RRP12: variants seen among roughly 807,000 people sequenced by gnomAD.
RRP12 encodes RRP12-like protein.
A neutral mutation model predicts 157.3 loss-of-function variants in RRP12; 78 were observed. That is an observed-to-expected ratio of 0.50 (90% CI 0.41 to 0.60). The LOEUF is 0.60. Ranked by LOEUF, RRP12 falls within the 20% of genes least tolerant of loss-of-function variation. The pLI, the probability that RRP12 is intolerant of heterozygous loss-of-function variation, is 0.00. For missense variants in RRP12, 1,521 were observed against 1,679.9 expected (o/e 0.91, Z 1.65); for synonymous variants, 726 against 670.9 (o/e 1.08, Z -1.27).
In RRP12 at chr10:97,366,232, G is replaced by T; in HGVS notation, c.3393C>A (p.Ala1131=). 6.2e-7 allele frequency: 1 copy of T among 1,611,578 alleles called. No individual in the cohort carries two copies. Residue 1131 remains alanine, a splice_region_variant and synonymous_variant, in exon 29 of 34, where the codon GCC becomes GCA. Transcript: ENST00000370992. ...TGCCCCGGCCTGGCCCTGGCTGCGT[G>T]GCTGGGGTGTAGAGTTTGGCATGAG... ...LDPKVAQRVL[A]TQPGPGRGRK... is the part of the protein sequence containing the mutation.
At chr10:97,371,842 G>A in intron 20 of RRP12, 4 of 458,596 alleles carry the variant, frequency 8.7e-6, no homozygotes, top group Non-Finnish European at 1.6e-5. Context: ...GGTTCTACAA[G>A]AGTCACTCAG....
Position 97,390,528 on chromosome 10 carries a change from G to C in RRP12, c.648C>G (p.Cys216Trp). ...CTTGCTTCCGCAGAAGGGTGGCCAG[G>C]CAGGAAAGGACCTGGAAGAAAGTCA... is the stretch of plus-strand genomic sequence containing the variant. ...STSVLRWVLS[C>W]LATLLRKQDL... The change falls in exon 6 of 34, where the codon TGC becomes TGG. Residue 216 changes from cysteine to tryptophan, a missense_variant. Coordinates refer to ENST00000370992, the MANE Select transcript of RRP12 (RefSeq NM_015179.4). 2 of 1,613,360 alleles carry C rather than the reference G, an allele frequency of 1.2e-6. No individual in the cohort carries two copies. Among genetic ancestry groups the C allele is most frequent in the Non-Finnish European group, 8.5e-7 (1 of 1,179,448 alleles).
At position 97,369,584 on chromosome 10, in the gene RRP12, T is replaced by G; in HGVS notation, c.2798-2A>C. On this transcript the variant is annotated splice_acceptor_variant, in intron 24 of 33. Coordinates refer to ENST00000370992, the MANE Select transcript of RRP12 (RefSeq NM_015179.4). LOFTEE classifies it high-confidence loss of function. ...CCACTGTACTGGTCCCCATCAGACC[T>G]GTGGCAGTGAGGGGGTCACTGTCTA... The G allele has an allele frequency of 6.4e-7, 1 of 1,556,650 alleles. No individual in the cohort carries two copies. Among genetic ancestry groups the G allele is most frequent in the Non-Finnish European group, 8.7e-7 (1 of 1,149,810 alleles).
At chr10:97,397,317 C>T (rs767484754) in intron 2 of RRP12, among the ~76,000 whole-genome samples, 1 of 151,896 alleles carries the variant, frequency 6.6e-6, no homozygotes, top group South Asian at 2.1e-4. Context: ...TGTGCCACTA[C>T]GCTAGGCTAA....
Position 97,381,838 on chromosome 10 carries a change from A to C in RRP12, c.1209-12T>G. On this transcript the variant is annotated splice_polypyrimidine_tract_variant and intron_variant, in intron 10 of 33. Coordinates refer to ENST00000370992, the MANE Select transcript of RRP12 (RefSeq NM_015179.4). ...GGTCCCACTGCAACCTGTCAAGACA[A>C]AAGGTTTCTGTGGGGCCTGGCCTGA... 2 of 1,608,786 alleles carry C rather than the reference A, an allele frequency of 1.2e-6. No homozygotes were observed. Among genetic ancestry groups the C allele is most frequent in the Non-Finnish European group, 8.5e-7 (1 of 1,175,474 alleles).
rs1844179256 is a variant in RRP12, at chr10:97,372,284, G to C, written c.2250-118C>G. On this transcript the variant is annotated intron_variant, in intron 19 of 33. Coordinates refer to ENST00000370992, the MANE Select transcript of RRP12 (RefSeq NM_015179.4). ...GGAGAAGTCAGGGTGAGGACAAGGG[G>C]CTTGAAGGAGCTCATGAACAATAAT... 7.8e-6 allele frequency: 5 copies of C among 637,228 alleles called. No homozygotes were observed. The East Asian group carries it at 1.3e-4, about 17-fold the overall frequency. The allele number at this position is 637,228 out of a possible 1,614,324, so 39.5% of individuals were successfully genotyped here.
At chr10:97,360,987 T>C (rs1009283627) in intron 30 of RRP12, among the ~76,000 whole-genome samples, 10 of 152,206 alleles carry the variant, frequency 6.6e-5, no homozygotes, top group African/African-American at 2.4e-4. Flanking sequence ...TCAGAGAGAA[T>C]AGCTTTACCA....
intron 29 of RRP12, 113 bp downstream of exon 29, chr10:97,365,995 A>C: frequency 7.1e-7 from 1 of 1,403,258 alleles, no homozygotes; most frequent in Non-Finnish European, 9.8e-7. Flanking sequence ...AGTTTGAGGA[A>C]GCTGCCGAGA....
At chr10:97,400,255 G>GA in intron 2 of RRP12, 50 bp downstream of exon 2, 1 of 1,369,044 alleles carries the variant, frequency 7.3e-7, no homozygotes, top group South Asian at 1.2e-5. Context: ...GAAAAGGCAT[G>GA]AGTTGGCCTC....
rs1254850580 is a variant in RRP12 at position 97,357,190 on chromosome 10, C to G, written c.3798G>C (p.Lys1266Asn). 10 of 1,605,406 alleles carry G rather than the reference C, an allele frequency of 6.2e-6. No individual in the cohort carries two copies. Among genetic ancestry groups the G allele is most frequent in the Non-Finnish European group, 8.5e-6 (10 of 1,173,810 alleles). The stretch of plus-strand genomic sequence containing the variant: ...CTTTGAACTGTCCCTGCAGCTTCAT[C>G]TTCTTCCTGCAGGGCCAAGGAACGG... Reference protein sequence around the residue: ...LNRSKLNRRKKMKLQGQFKGL... With the variant: ...LNRSKLNRRKNMKLQGQFKGL... The change falls in exon 34 of 34, where the codon AAG becomes AAC. Residue 1266 changes from lysine (K) to asparagine (N), a missense_variant. Transcript: ENST00000370992.
At chr10:97,390,355 T>C (rs761679590) in intron 6 of RRP12, 68 bp downstream of exon 6, 37 of 1,234,242 alleles carry the variant, frequency 3.0e-5, no homozygotes, top group Non-Finnish European at 4.2e-5. Context: ...GCTAGCCAAG[T>C]CTGGGCTGCA....
At chr10:97,381,196 G>A (rs1844456745) in intron 12 of RRP12, among the ~76,000 whole-genome samples, 190 bp downstream of exon 12, 1 of 152,212 alleles carries the variant, frequency 6.6e-6, no homozygotes, top group Non-Finnish European at 1.5e-5. Flanking sequence ...GTGAGGTGTG[G>A]CTAAAACATG....
At position 97,390,738 on chromosome 10, in the gene RRP12, CCCATCGGAGG is replaced by C; in HGVS notation, c.627_636del (p.Leu210SerfsTer21). 1 of 1,600,652 alleles carries C rather than the reference CCCATCGGAGG, an allele frequency of 6.2e-7. No individual in the cohort carries two copies. Among genetic ancestry groups the C allele is most frequent in the Non-Finnish European group, 8.6e-7 (1 of 1,167,732 alleles). ...TGAGAAACTAAACCCCAGACACTAA[CCCATCGGAGG>C]ACAGAGGTGGAGCCGCTGCTGGCCT... On this transcript the variant is annotated frameshift_variant and splice_region_variant, in exon 5 of 34. Transcript: ENST00000370992. LOFTEE classifies it high-confidence loss of function.
chr10:97,375,261 T>TA (rs11378492), intron 15 of RRP12, among the ~76,000 whole-genome samples: 126,901 of 137,408 alleles, frequency 0.92, 58,771 homozygotes, highest in Non-Finnish European at 0.97. Flanking sequence ...CCTGGCTAAC[T>TA]AAAAAAAAAA....
intron 4 of RRP12, among the ~76,000 whole-genome samples, chr10:97,392,259 C>G (rs1459466880): frequency 1.3e-5 from 2 of 152,072 alleles, no homozygotes; most frequent in Non-Finnish European, 2.9e-5. Flanking sequence ...GTATGTGTCA[C>G]CACACCCAGC....
At chr10:97,360,239 C>T (rs1029426484) in intron 31 of RRP12, among the ~76,000 whole-genome samples, 2 of 152,186 alleles carry the variant, frequency 1.3e-5, no homozygotes, top group Non-Finnish European at 2.9e-5. Context: ...GCAAGCAGCT[C>T]GCAGAAGGGA....
At chr10:97,358,315 G>A (rs955622256) in intron 33 of RRP12, among the ~76,000 whole-genome samples, 4 of 151,918 alleles carry the variant, frequency 2.6e-5, no homozygotes, top group Non-Finnish European at 5.9e-5. Context: ...CCTGGCGACA[G>A]AGCAAGACTC....
intron 25 of RRP12, 172 bp from the exon 26 acceptor site, chr10:97,367,304 G>T: frequency 3.2e-6 from 2 of 617,738 alleles, no homozygotes; most frequent in Non-Finnish European, 5.7e-6. Context: ...GGGTGGGCAG[G>T]CCCCATCTTT....
chr10:97,366,392 C>T (rs906895618), intron 28 of RRP12, 54 bp downstream of exon 28: 2 of 1,565,300 alleles, frequency 1.3e-6, no homozygotes, highest in Admixed American at 1.8e-5. Flanking sequence ...CACCTGAGAA[C>T]CTGGCACCAT....
Sources: gnomAD v4.1 joint callset for allele counts (sites outside exome capture counted in the v4.1 genomes callset) on GRCh38, gnomAD v4.1.1 for gene constraint, MANE v1.5 for transcripts, NCBI Gene and HGNC (gene_info 2026-07-23, HGNC 2026-07-21) for gene names.